Variants in FAM107B observed in about 807,000 individuals in gnomAD.
The protein encoded by FAM107B is family with sequence similarity 107 member B.
In FAM107B, 21 loss-of-function variants were observed where a neutral mutation model predicts 31.5. The ratio of observed to expected loss-of-function variants is 0.67; its 90% CI spans 0.47 to 0.96. FAM107B has a LOEUF of 0.96. Among genes scored for constraint, FAM107B ranks in the 40% least tolerant of loss-of-function variants. The pLI, the probability that FAM107B is intolerant of heterozygous loss-of-function variation, is 0.00. For missense variants in FAM107B, 452 were observed against 377.1 expected (o/e 1.20, Z -1.64); for synonymous variants, 157 against 141.5 (o/e 1.11, Z -0.78).
intron 2 of FAM107B, among the ~76,000 whole-genome samples, chr10:14,564,879 G>A (rs777449671): frequency 1.3e-5 from 2 of 152,138 alleles, no homozygotes; most frequent in Non-Finnish European, 2.9e-5. Flanking sequence ...TCCATATATA[G>A]TATTTTCTAC....
At chr10:14,574,849 C>T (rs934166656) in intron 2 of FAM107B, among the ~76,000 whole-genome samples, 3 of 152,094 alleles carry the variant, frequency 2.0e-5, no homozygotes, top group African/African-American at 7.2e-5. Context: ...CTTCGTAATT[C>T]GTGTATAATT....
chr10:14,633,218 G>A (rs1043263485), intron 2 of FAM107B, among the ~76,000 whole-genome samples: 3 of 151,486 alleles, frequency 2.0e-5, no homozygotes, highest in Non-Finnish European at 2.9e-5. Flanking sequence ...AAAATCATAC[G>A]GCTGGTCAAA....
At position 14,720,371 on chromosome 10, in the gene FAM107B, G is replaced by A. The variant is rs922645950; in HGVS notation, c.412-52680C>T. Among the ~76,000 whole-genome samples, 26 of 151,846 alleles carry A rather than the reference G, an allele frequency of 1.7e-4. No homozygotes were observed. The East Asian group carries it at 4.1e-3, about 24-fold the overall frequency. On this transcript the variant is annotated intron_variant, in intron 1 of 4. Coordinates refer to ENST00000181796, the MANE Select transcript of FAM107B (RefSeq NM_031453.4). The stretch of plus-strand genomic sequence containing the variant: ...CGTGTTCAAGTGATTCTCCTGCCTC[G>A]GGCTCCAGAGTAGCTGGGATTACAG...
At chr10:14,618,473 T>G (rs566143368) in intron 2 of FAM107B, among the ~76,000 whole-genome samples, 1 of 152,246 alleles carries the variant, frequency 6.6e-6, no homozygotes, top group African/African-American at 2.4e-5. Flanking sequence ...ATTCTGTCCC[T>G]TGCCCCCACG....
At chr10:14,671,670 CAG>C (rs982465303) in intron 1 of FAM107B, among the ~76,000 whole-genome samples, 1 of 152,058 alleles carries the variant, frequency 6.6e-6, no homozygotes, top group Non-Finnish European at 1.5e-5. Context: ...AAACCAGAGA[CAG>C]GGGTTGCAGC....
intron 1 of FAM107B, among the ~76,000 whole-genome samples, chr10:14,672,105 T>TTTA (rs1491570872): frequency 0.062 from 12 of 192 alleles, no homozygotes; most frequent in Admixed American, 0.17. Flanking sequence ...TATTTATTTA[T>TTTA]TTTTTTTTTT....
intron 2 of FAM107B, among the ~76,000 whole-genome samples, chr10:14,629,506 AAT>A (rs1284788201): frequency 8.6e-6 from 1 of 116,328 alleles, no homozygotes; most frequent in Non-Finnish European, 1.6e-5. Context: ...ATATATATTT[AAT>A]ATATATATAT....
At chr10:14,618,312 C>T (rs1029729708) in intron 2 of FAM107B, among the ~76,000 whole-genome samples, 5 of 152,242 alleles carry the variant, frequency 3.3e-5, no homozygotes, top group Middle Eastern at 3.4e-3. Context: ...AGTTGATGAA[C>T]TTGGCTTGTT....
At chr10:14,590,057 A>G (rs905390574) in intron 2 of FAM107B, among the ~76,000 whole-genome samples, 2 of 152,230 alleles carry the variant, frequency 1.3e-5, no homozygotes, top group Non-Finnish European at 2.9e-5. Flanking sequence ...TTATTCCAGG[A>G]TGAGTTTTGG....
At chr10:14,540,701 C>A (rs2130956598) in intron 2 of FAM107B, among the ~76,000 whole-genome samples, 1 of 152,346 alleles carries the variant, frequency 6.6e-6, no homozygotes, top group East Asian at 1.9e-4. Context: ...AGAGCTGTTT[C>A]TAAAGTGTGT....
chr10:14,576,483 C>T (rs996737270), intron 2 of FAM107B, among the ~76,000 whole-genome samples: 3 of 152,026 alleles, frequency 2.0e-5, no homozygotes, highest in Middle Eastern at 3.2e-3. Context: ...GGGAAGATCA[C>T]GCAATTGCAC....
Position 14,519,783 on chromosome 10 carries a change from C to G in FAM107B, c.*1407G>C, listed in dbSNP as rs1223844944. 6.6e-6 allele frequency: 1 copy of G among 152,258 alleles called. No individual in the cohort carries two copies. The highest frequency in any genetic ancestry group is 1.5e-5 in the Non-Finnish European group (1 of 68,036). 9.4% of individuals were successfully genotyped at this position (152,258 alleles called of 1,614,324 possible). On this transcript the variant is annotated 3_prime_UTR_variant, in exon 5 of 5. Coordinates refer to ENST00000181796, the MANE Select transcript of FAM107B (RefSeq NM_031453.4). ...AGTCTTCAAAGAAAGTATGAGAAGTCTCTCCAATGCAGAAATGACTGGCTG... is the reference window on the plus strand; with the variant it reads ...AGTCTTCAAAGAAAGTATGAGAAGTGTCTCCAATGCAGAAATGACTGGCTG...
rs188159688 is a variant in FAM107B, at chr10:14,553,295, C to G, written c.470-22780G>C. On this transcript the variant is annotated intron_variant, in intron 2 of 4. Coordinates refer to ENST00000181796, the MANE Select transcript of FAM107B (RefSeq NM_031453.4). ...ATGAAAGCTGAGGAATAAAGATGAC[C>G]GAGACAGTAAATTTCCCCACACTTA... 33 of 1,206,506 alleles carry G rather than the reference C, an allele frequency of 2.7e-5. 1 individual carries two copies. In the Admixed American group the frequency reaches 8.3e-4, roughly 30 times the overall value. The allele number at this position is 1,206,506 out of a possible 1,614,324, so 74.7% of individuals were successfully genotyped here. A position where few individuals can be genotyped will look rare whatever the true frequency, so the allele number is the denominator to read the frequency against.
At chr10:14,766,877 A>C (rs1282157050) in intron 1 of FAM107B, among the ~76,000 whole-genome samples, 1 of 150,638 alleles carries the variant, frequency 6.6e-6, no homozygotes, top group African/African-American at 2.4e-5. Context: ...TCTACCATAC[A>C]TTTAAAGAAT....
intron 2 of FAM107B, among the ~76,000 whole-genome samples, chr10:14,558,187 G>C (rs1401368253): frequency 1.5e-5 from 2 of 136,132 alleles, no homozygotes; most frequent in African/African-American, 5.1e-5. Flanking sequence ...CAGTGTGTGT[G>C]TGCACACACT....
intron 2 of FAM107B, among the ~76,000 whole-genome samples, chr10:14,584,283 G>C (rs1851751991): frequency 1.3e-5 from 2 of 152,274 alleles, no homozygotes; most frequent in South Asian, 4.1e-4. Context: ...AGGATGCCAA[G>C]GGTCCCTGTC....
intron 1 of FAM107B, among the ~76,000 whole-genome samples, chr10:14,767,020 G>GTATATATATATA (rs1554757965): frequency 9.9e-5 from 3 of 30,412 alleles, no homozygotes; most frequent in Admixed American, 1.1e-3. Context: ...TCCCTGATGT[G>GTATATATATATA]TATGTATATA....
intron 1 of FAM107B, among the ~76,000 whole-genome samples, chr10:14,696,537 G>A (rs1187516240): frequency 2.6e-5 from 4 of 151,958 alleles, no homozygotes; most frequent in Admixed American, 6.6e-5. Context: ...CTATTTTTTC[G>A]GGGGAGGTGG....
At chr10:14,761,895 G>A (rs1043571511) in intron 1 of FAM107B, among the ~76,000 whole-genome samples, 1 of 152,124 alleles carries the variant, frequency 6.6e-6, no homozygotes, top group Non-Finnish European at 1.5e-5. Context: ...CACCGCACCG[G>A]GCCGATGGCT....
Sources: gnomAD v4.1 joint callset for allele counts (sites outside exome capture counted in the v4.1 genomes callset) on GRCh38, gnomAD v4.1.1 for gene constraint, MANE v1.5 for transcripts, NCBI Gene and HGNC (gene_info 2026-07-23, HGNC 2026-07-21) for gene names.